Variants in SYN2 observed in about 807,000 individuals in gnomAD.
SYN2 encodes the protein synapsin-2.
Under a neutral mutation model 50.9 loss-of-function variants are expected in SYN2, and 19 were observed. That is an observed-to-expected ratio of 0.37 (90% CI 0.26 to 0.55). The LOEUF (loss-of-function observed/expected upper bound fraction) is 0.55. Ranked by LOEUF, SYN2 falls within the 20% of genes least tolerant of loss-of-function variation. The pLI is 0.81. For synonymous variants in SYN2, 255 were observed against 224.9 expected, an observed-to-expected ratio of 1.13 and a Z score of -1.20; for missense variants, 587 against 576.4, an observed-to-expected ratio of 1.02 and a Z score of -0.19.
At chr3:12,147,036 A>G (rs527648610) in intron 4 of SYN2, among the ~76,000 whole-genome samples, 1 of 152,280 alleles carries the variant, frequency 6.6e-6, no homozygotes, top group South Asian at 2.1e-4. Flanking sequence ...GGCCCCTAGG[A>G]GGGACTTCTG....
intron 1 of SYN2, among the ~76,000 whole-genome samples, chr3:12,043,370 A>G (rs1694664014): frequency 6.6e-6 from 1 of 152,020 alleles, no homozygotes; most frequent in Non-Finnish European, 1.5e-5. Context: ...AAAGCCACCA[A>G]ATTAGTGGTA....
chr3:12,162,143 C>T lies in SYN2; in HGVS notation c.969C>T (p.Tyr323=), dbSNP rs759812722. The T allele has an allele frequency of 2.5e-6, 4 of 1,614,002 alleles. No homozygotes were observed. Among genetic ancestry groups the T allele is most frequent in the African/African-American group, 2.7e-5 (2 of 74,914 alleles). Residue 323 remains tyrosine, a synonymous_variant, in exon 7 of 13, where the codon TAC becomes TAT. Coordinates refer to ENST00000621198, the MANE Select transcript of SYN2 (RefSeq NM_133625.6). ...DIRVQKIGNN[Y]KAYMRTSISG... is the part of the protein sequence containing the mutation. ...GGGTCCAGAAGATTGGCAACAACTA[C>T]AAGGCTTACATGTGAGTAAGAGTGG...
rs746069142 is a variant in SYN2 at position 12,153,498 on chromosome 3, A to G, written c.774+2172A>G. 4.3e-6 allele frequency: 7 copies of G among 1,612,518 alleles called. No homozygotes were observed. The South Asian group carries it at 6.6e-5, about 15-fold the overall frequency. ...TCTTCAGGACTCTTGAAGGGATGTGATGGTCACTGGTCCCTACTAGGGCTG... is the reference window on the plus strand; with the variant it reads ...TCTTCAGGACTCTTGAAGGGATGTGGTGGTCACTGGTCCCTACTAGGGCTG... On this transcript the variant is annotated intron_variant, in intron 5 of 12. Coordinates refer to ENST00000621198, the MANE Select transcript of SYN2 (RefSeq NM_133625.6).
At chr3:12,013,794 A>G (rs1006632421) in intron 1 of SYN2, among the ~76,000 whole-genome samples, 9 of 152,100 alleles carry the variant, frequency 5.9e-5, no homozygotes, top group Non-Finnish European at 5.9e-5. Context: ...TAGGTAGTTT[A>G]TGGCCCTCCT....
At position 12,051,649 on chromosome 3, in the gene SYN2, T is replaced by C. The variant is rs530081662; in HGVS notation, c.377+46721T>C. ...CTAATCTCTAAACTTCAAGTAGATC[T>C]CAGGTCTCTGAAACTGAACATGCAG... On this transcript the variant is annotated intron_variant, in intron 1 of 12. Transcript: ENST00000621198. Among the ~76,000 whole-genome samples the C allele has an allele frequency of 3.9e-5, 6 of 152,352 alleles. No homozygotes were observed. In the East Asian group the frequency reaches 9.6e-4, roughly 24 times the overall value.
At chr3:12,115,198 G>A (rs1406875176) in intron 1 of SYN2, among the ~76,000 whole-genome samples, 1 of 152,174 alleles carries the variant, frequency 6.6e-6, no homozygotes, top group Non-Finnish European at 1.5e-5. Flanking sequence ...TCAAATAATT[G>A]ATAAATGGTA....
chr3:12,108,877 A>C (rs1414397449), intron 1 of SYN2, among the ~76,000 whole-genome samples: 2 of 149,016 alleles, frequency 1.3e-5, no homozygotes, highest in African/African-American at 5.0e-5. Flanking sequence ...CTTGACCATC[A>C]TCTGCTTAAA....
intron 1 of SYN2, among the ~76,000 whole-genome samples, chr3:12,075,415 A>C (rs1031068062): frequency 6.6e-6 from 1 of 152,184 alleles, no homozygotes. Context: ...TTGGAGGAAA[A>C]TTACTTTGAG....
chr3:12,184,451 A>G (rs559668311), intron 11 of SYN2: 4 of 985,918 alleles, frequency 4.1e-6, no homozygotes, highest in South Asian at 4.7e-5. Flanking sequence ...GGATTTGTCC[A>G]TTCTGCTCTT....
chr3:12,056,418 C>CT (rs5846742), intron 1 of SYN2, among the ~76,000 whole-genome samples: 5,247 of 150,150 alleles, frequency 0.035, 277 homozygotes, highest in African/African-American at 0.12. Flanking sequence ...AAGCAATACT[C>CT]TTTTTTTTTA....
At chr3:12,010,844 C>G (rs1054602076) in intron 1 of SYN2, among the ~76,000 whole-genome samples, 1 of 152,154 alleles carries the variant, frequency 6.6e-6, no homozygotes, top group East Asian at 1.9e-4. Context: ...AATTCAGTAC[C>G]TCCTTGTTAC....
intron 1 of SYN2, among the ~76,000 whole-genome samples, chr3:12,127,900 C>CA (rs1401622789): frequency 1.3e-5 from 2 of 152,042 alleles, no homozygotes; most frequent in Non-Finnish European, 2.9e-5. Flanking sequence ...AATGCATCAG[C>CA]AAAATGATAA....
chr3:12,077,020 T>C (rs1315190414), intron 1 of SYN2, among the ~76,000 whole-genome samples: 1 of 152,110 alleles, frequency 6.6e-6, no homozygotes. Context: ...GGAGAAGTGT[T>C]GGAAGTGGAG....
rs1697559316 is a variant in SYN2 at position 12,159,034 on chromosome 3, C to G, written c.775-2512C>G. The G allele has an allele frequency of 2.3e-5, 16 of 690,724 alleles. 1 individual carries two copies. In the South Asian group the frequency reaches 3.3e-4, roughly 14 times the overall value. 42.8% of individuals were successfully genotyped at this position (690,724 alleles called of 1,614,324 possible). ...GAGGCAGGACCCGAGGCTCTTCCGA[C>G]CTGCATACTCAGTAAGATGCAGAGG... On this transcript the variant is annotated intron_variant, in intron 5 of 12. Transcript: ENST00000621198.
intron 1 of SYN2, among the ~76,000 whole-genome samples, chr3:12,043,555 G>C (rs1694667570): frequency 6.6e-6 from 1 of 152,090 alleles, no homozygotes; most frequent in African/African-American, 2.4e-5. Flanking sequence ...GAAAAATAAG[G>C]CTCAGAAAGA....
chr3:12,070,906 G>T lies in SYN2; in HGVS notation c.377+65978G>T, dbSNP rs947101376. ...GCCGTGCTATGTTGCCCTGGACTTC[G>T]AACAGGAGATGGCCACCGCCGCATC... On this transcript the variant is annotated intron_variant, in intron 1 of 12. Transcript: ENST00000621198. The T allele has an allele frequency of 5.0e-5, 28 of 561,790 alleles. No individual in the cohort carries two copies. The African/African-American group carries it at 5.3e-4, about 11-fold the overall frequency. The allele number at this position is 561,790 out of a possible 1,614,324, so 34.8% of individuals were successfully genotyped here.
At chr3:12,020,540 T>C (rs975180556) in intron 1 of SYN2, among the ~76,000 whole-genome samples, 10 of 152,188 alleles carry the variant, frequency 6.6e-5, no homozygotes, top group Non-Finnish European at 1.5e-4. Context: ...CTTCCCAGGA[T>C]CCTGTGCTTT....
intron 1 of SYN2, among the ~76,000 whole-genome samples, chr3:12,038,001 T>TA (rs1368884401): frequency 1.3e-5 from 2 of 152,216 alleles, no homozygotes; most frequent in Admixed American, 1.3e-4. Context: ...CACAAAGACT[T>TA]ACACCTATAT....
chr3:12,186,514 T>C (rs2124840149), intron 11 of SYN2, among the ~76,000 whole-genome samples: 1 of 151,998 alleles, frequency 6.6e-6, no homozygotes, highest in African/African-American at 2.4e-5. Context: ...CAGGGGAGAG[T>C]GGGGTTTGGA....
Sources: gnomAD v4.1 joint callset for allele counts (sites outside exome capture counted in the v4.1 genomes callset) on GRCh38, gnomAD v4.1.1 for gene constraint, MANE v1.5 for transcripts, NCBI Gene and HGNC (gene_info 2026-07-23, HGNC 2026-07-21) for gene names.